Variants in EFCAB6 observed in about 807,000 individuals in gnomAD.
EFCAB6 encodes EF-hand calcium binding domain 6.
Under a neutral mutation model 169.8 loss-of-function variants are expected in EFCAB6, and 156 were observed. The observed-to-expected ratio is 0.92, with a 90% CI of 0.81 to 1.05. The LOEUF is 1.05. Ranked by LOEUF, EFCAB6 falls within the 50% of genes least tolerant of loss-of-function variation. The probability of loss-of-function intolerance (pLI) is 0.00; values close to 1 mark genes in which losing one functional copy is unlikely to be tolerated. For synonymous variants in EFCAB6, 698 were observed against 676.4 expected, an observed-to-expected ratio of 1.03 and a Z score of -0.50; for missense variants, 1,800 against 1,829.1, an observed-to-expected ratio of 0.98 and a Z score of 0.29.
intron 21 of EFCAB6, among the ~76,000 whole-genome samples, chr22:43,609,063 C>T (rs919224617): frequency 1.3e-5 from 2 of 152,254 alleles, no homozygotes; most frequent in Non-Finnish European, 2.9e-5. Flanking sequence ...AAGGTATTGT[C>T]AGGCATATAA....
intron 6 of EFCAB6, 44 bp downstream of exon 6, chr22:43,755,722 A>G (rs757437718): frequency 8.1e-6 from 12 of 1,490,514 alleles, no homozygotes; most frequent in South Asian, 1.3e-5. Flanking sequence ...ACTGCTGACA[A>G]TGGGTGGGGT....
At chr22:43,625,708 A>G (rs764279804) in intron 20 of EFCAB6, among the ~76,000 whole-genome samples, 4 of 152,210 alleles carry the variant, frequency 2.6e-5, no homozygotes, top group African/African-American at 4.8e-5. Flanking sequence ...TGCATCTCCT[A>G]AGGCAGTTGG....
chr22:43,650,346 G>A (rs748966192), intron 17 of EFCAB6, among the ~76,000 whole-genome samples: 12 of 152,124 alleles, frequency 7.9e-5, no homozygotes, highest in African/African-American at 1.9e-4. Flanking sequence ...AAAAAGAGGC[G>A]TTCCCCTGCA....
intron 3 of EFCAB6, among the ~76,000 whole-genome samples, chr22:43,778,684 T>A (rs554680516): frequency 6.6e-6 from 1 of 152,218 alleles, no homozygotes; most frequent in Admixed American, 6.5e-5. Flanking sequence ...TGCTCACACC[T>A]CAAAGACCTG....
At chr22:43,642,860 G>T (rs2055892038) in intron 17 of EFCAB6, among the ~76,000 whole-genome samples, 1 of 152,136 alleles carries the variant, frequency 6.6e-6, no homozygotes, top group Admixed American at 6.5e-5. Context: ...GATAAATAAT[G>T]GGATTTCCTT....
At chr22:43,669,801 C>A (rs2057409621) in intron 15 of EFCAB6, among the ~76,000 whole-genome samples, 1 of 152,122 alleles carries the variant, frequency 6.6e-6, no homozygotes, top group Non-Finnish European at 1.5e-5. Context: ...AAGGCAGGGG[C>A]TCACAAAGTG....
At chr22:43,565,715 A>G (rs2049378921) in intron 26 of EFCAB6, among the ~76,000 whole-genome samples, 1 of 152,162 alleles carries the variant, frequency 6.6e-6, no homozygotes. Context: ...CTGAATACTT[A>G]CAGAGACAAT....
chr22:43,670,410 T>C lies in EFCAB6; in HGVS notation c.1641-1365A>G, dbSNP rs934933384. Among the ~76,000 whole-genome samples, 58 of 152,180 alleles carry C rather than the reference T, an allele frequency of 3.8e-4. 1 individual carries two copies. Among genetic ancestry groups the C allele is most frequent in the Non-Finnish European group, 5.1e-4 (35 of 68,032 alleles). ...CCTTTGCTCTGCCTCAGTTTCCTTA[T>C]CTATGAAATGCAGATAATAAAAGTA... is the stretch of plus-strand genomic sequence containing the variant. On this transcript the variant is annotated intron_variant, in intron 15 of 31. Transcript: ENST00000262726.
Position 43,667,105 on chromosome 22 carries a change from T to G in EFCAB6, c.1982A>C (p.Lys661Thr). ...ACAAAGAGAAACCCATTCTCCTACCTTCTTAAAGTCATGCACGTTAATTTT... is the reference window on the plus strand; with the variant it reads ...ACAAAGAGAAACCCATTCTCCTACCGTCTTAAAGTCATGCACGTTAATTTT... ...NGKINVHDFK[K>T]VLEDTGMPMD... Residue 661 changes from lysine (K) to threonine (T), a missense_variant and splice_region_variant, in exon 17 of 32, where the codon AAG becomes ACG. Coordinates refer to ENST00000262726, the MANE Select transcript of EFCAB6 (RefSeq NM_022785.4). The G allele has an allele frequency of 6.2e-7, 1 of 1,613,014 alleles. No individual in the cohort carries two copies. Among genetic ancestry groups the G allele is most frequent in the South Asian group, 1.1e-5 (1 of 90,914 alleles).
chr22:43,676,867 G>A (rs990772269), intron 13 of EFCAB6, among the ~76,000 whole-genome samples: 7 of 152,148 alleles, frequency 4.6e-5, no homozygotes, highest in African/African-American at 1.7e-4. Flanking sequence ...GAAACCATCA[G>A]AATAGAATGC....
intron 27 of EFCAB6, among the ~76,000 whole-genome samples, chr22:43,548,539 CAAAAAAAAAAAAAAAAA>C (rs397868076): frequency 2.7e-5 from 1 of 36,730 alleles, no homozygotes; most frequent in Non-Finnish European, 4.6e-5. Flanking sequence ...GAATCCATCT[CAAAAAAAAAAAAAAAAA>C]AAAAAAAAAA....
At chr22:43,714,583 G>C (rs1806303217) in intron 9 of EFCAB6, among the ~76,000 whole-genome samples, 1 of 150,424 alleles carries the variant, frequency 6.6e-6, no homozygotes, top group South Asian at 2.1e-4. Flanking sequence ...CACCTACAAG[G>C]GGGAAAGAAT....
rs781057928 is a variant in EFCAB6 at position 43,678,113 on chromosome 22, G to A, written c.1302C>T (p.Cys434=). ...CTGAATCGCTTAGTTTTACAGCCAT[G>A]CAATTTAGAATATATCGAAATTCTT... ...TREEFRYILN[C]MAVKLSDSEF... is the part of the protein sequence containing the mutation. The change falls in exon 13 of 32, where the codon TGC becomes TGT. Residue 434 remains cysteine (C), a synonymous_variant. Transcript: ENST00000262726. The A allele has an allele frequency of 6.2e-7, 1 of 1,612,454 alleles. No individual in the cohort carries two copies. Among genetic ancestry groups the A allele is most frequent in the South Asian group, 1.1e-5 (1 of 91,038 alleles).
At chr22:43,784,511 ATGTG>A (rs370724337) in intron 2 of EFCAB6, among the ~76,000 whole-genome samples, 5,636 of 91,016 alleles carry the variant, frequency 0.062, 550 homozygotes, top group South Asian at 0.17. Context: ...AAATATATAT[ATGTG>A]TGTGTGTGTG....
intron 27 of EFCAB6, chr22:43,552,850 G>T (rs1371870063): frequency 6.6e-6 from 1 of 152,084 alleles, no homozygotes; most frequent in Non-Finnish European, 1.5e-5. Context: ...TGGCCCCATA[G>T]AATAATAAAT....
intron 10 of EFCAB6, among the ~76,000 whole-genome samples, chr22:43,701,638 T>C (rs2058770031): frequency 1.3e-5 from 2 of 151,646 alleles, no homozygotes; most frequent in African/African-American, 4.8e-5. Context: ...TAATAAATGA[T>C]GGTGGGAAAA....
At chr22:43,762,013 G>C (rs549962841) in intron 5 of EFCAB6, among the ~76,000 whole-genome samples, 36 of 152,242 alleles carry the variant, frequency 2.4e-4, no homozygotes, top group Non-Finnish European at 4.6e-4. Flanking sequence ...TTTATCTCTG[G>C]AAATTCTTTA....
At chr22:43,538,381 T>C (rs1311044829) in intron 28 of EFCAB6, among the ~76,000 whole-genome samples, 2 of 152,076 alleles carry the variant, frequency 1.3e-5, no homozygotes, top group Non-Finnish European at 2.9e-5. Context: ...AGAGTGTTTT[T>C]TGTTTTTTTG....
At chr22:43,544,919 G>A (rs920548825) in intron 27 of EFCAB6, among the ~76,000 whole-genome samples, 3 of 152,062 alleles carry the variant, frequency 2.0e-5, no homozygotes, top group East Asian at 3.9e-4. Flanking sequence ...TCAGGAGATC[G>A]AGACCATCCT....
Sources: allele counts gnomAD v4.1 joint callset (sites outside exome capture counted in the v4.1 genomes callset), GRCh38; gene constraint gnomAD v4.1.1; transcripts MANE v1.5; gene names NCBI Gene and HGNC (gene_info 2026-07-23, HGNC 2026-07-21).